ULK4: variants seen among roughly 807,000 people sequenced by gnomAD.
ULK4 encodes the protein unc-51 like kinase 4.
A neutral mutation model predicts 160.6 loss-of-function variants in ULK4; 133 were observed. The ratio of observed to expected loss-of-function variants is 0.83; its 90% CI spans 0.72 to 0.96. ULK4 has a LOEUF of 0.96. Ranked by LOEUF, ULK4 falls within the 40% of genes least tolerant of loss-of-function variation. The pLI, the probability that ULK4 is intolerant of heterozygous loss-of-function variation, is 0.00. For missense variants in ULK4, 1,580 were observed against 1,499.5 expected (o/e 1.05, Z -0.89); for synonymous variants, 534 against 539.8 (o/e 0.99, Z 0.15).
At chr3:41,431,167 G>GT (rs1435364963) in intron 34 of ULK4, among the ~76,000 whole-genome samples, 1 of 152,056 alleles carries the variant, frequency 6.6e-6, no homozygotes, top group East Asian at 1.9e-4. Context: ...GGCCAACATG[G>GT]TGAAACTTCG....
chr3:41,705,212 G>C, intron 26 of ULK4, 42 bp downstream of exon 26: 1 of 1,610,986 alleles, frequency 6.2e-7, no homozygotes, highest in East Asian at 2.2e-5. Flanking sequence ...TAATATCAAA[G>C]TACCTCAAAC....
chr3:41,549,836 C>T (rs780993186), intron 32 of ULK4, among the ~76,000 whole-genome samples: 1 of 151,912 alleles, frequency 6.6e-6, no homozygotes, highest in Non-Finnish European at 1.5e-5. Context: ...GACCATCAGG[C>T]TAACTGGATC....
chr3:41,326,246 T>C (rs1348148125), intron 35 of ULK4, among the ~76,000 whole-genome samples: 4 of 152,082 alleles, frequency 2.6e-5, no homozygotes, highest in Admixed American at 6.6e-5. Flanking sequence ...CATAAATCAA[T>C]ACAGACAACT....
intron 34 of ULK4, among the ~76,000 whole-genome samples, chr3:41,423,404 C>A (rs1475046413): frequency 1.3e-5 from 2 of 152,246 alleles, no homozygotes; most frequent in East Asian, 3.9e-4. Flanking sequence ...TAATAACCCT[C>A]ATTTAGTGGT....
chr3:41,889,801 C>A (rs1000643141), intron 16 of ULK4, among the ~76,000 whole-genome samples: 1 of 152,144 alleles, frequency 6.6e-6, no homozygotes, highest in Non-Finnish European at 1.5e-5. Flanking sequence ...TCACACAAAA[C>A]CTTGTAGACA....
intron 5 of ULK4, among the ~76,000 whole-genome samples, chr3:41,921,524 A>T (rs1699182436): frequency 6.6e-6 from 1 of 152,160 alleles, no homozygotes; most frequent in African/African-American, 2.4e-5. Context: ...CTGAGGCAGG[A>T]GAATGGCATG....
At chr3:41,453,905 T>C (rs376182206) in intron 34 of ULK4, among the ~76,000 whole-genome samples, 1 of 151,310 alleles carries the variant, frequency 6.6e-6, no homozygotes, top group African/African-American at 2.4e-5. Context: ...GAAACCATCA[T>C]TCTCAGCAAA....
chr3:41,642,589 T>C (rs149916953), intron 30 of ULK4, among the ~76,000 whole-genome samples: 2 of 152,190 alleles, frequency 1.3e-5, no homozygotes, highest in Non-Finnish European at 2.9e-5. Context: ...CACTCTACCA[T>C]TGTTGGACAT....
rs79726062 is a variant in ULK4 at position 41,678,149 on chromosome 3, C to T, written c.2978+3359G>A. On this transcript the variant is annotated intron_variant, in intron 29 of 36. Transcript: ENST00000301831. The stretch of plus-strand genomic sequence containing the variant: ...TCTCAACCTCTGTAATCACGCGAGC[C>T]GGTTTCTTAAAATAAATCTTTATTT... Among the ~76,000 whole-genome samples, 820 of 149,008 alleles carry T rather than the reference C, an allele frequency of 5.5e-3. 25 individuals carry two copies. The East Asian group carries it at 0.09, about 16-fold the overall frequency.
At chr3:41,865,133 G>A (rs1289679003) in intron 17 of ULK4, among the ~76,000 whole-genome samples, 1 of 151,878 alleles carries the variant, frequency 6.6e-6, no homozygotes, top group Non-Finnish European at 1.5e-5. Context: ...TTAGCCAGAT[G>A]TGGTGGCACA....
At chr3:41,876,761 G>A (rs1697318256) in intron 17 of ULK4, among the ~76,000 whole-genome samples, 1 of 152,112 alleles carries the variant, frequency 6.6e-6, no homozygotes, top group Non-Finnish European at 1.5e-5. Flanking sequence ...AGATACCAAA[G>A]TATACATATC....
chr3:41,706,386 T>TATAATATATAAA (rs2036884929), intron 25 of ULK4, among the ~76,000 whole-genome samples: 1 of 145,610 alleles, frequency 6.9e-6, no homozygotes, highest in African/African-American at 2.5e-5. Context: ...ATATATATAT[T>TATAATATATAAA]TATATATATT....
At chr3:41,484,850 G>A (rs1192024950) in intron 32 of ULK4, among the ~76,000 whole-genome samples, 1 of 152,114 alleles carries the variant, frequency 6.6e-6, no homozygotes, top group East Asian at 1.9e-4. Flanking sequence ...TACTTTATGA[G>A]TCAGATTGTG....
intron 7 of ULK4, among the ~76,000 whole-genome samples, chr3:41,918,186 A>C (rs1699039234): frequency 6.6e-6 from 1 of 152,210 alleles, no homozygotes; most frequent in South Asian, 2.1e-4. Context: ...TAAGGGTTTA[A>C]GTTTTTTAAG....
Position 41,332,538 on chromosome 3 carries a change from T to G in ULK4, c.3678+65541A>C, listed in dbSNP as rs534056443. On this transcript the variant is annotated intron_variant, in intron 35 of 36. Transcript: ENST00000301831. Reference sequence around the variant, plus strand: ...GCTTTGCTTGGATGAGCAGATGGCGTGGCAGGCAATATAAAAGTCACTTAA... The same window carrying G: ...GCTTTGCTTGGATGAGCAGATGGCGGGGCAGGCAATATAAAAGTCACTTAA... Among the ~76,000 whole-genome samples, 285 of 152,352 alleles carry G rather than the reference T, an allele frequency of 1.9e-3. 1 individual carries two copies. The highest frequency in any genetic ancestry group is 6.7e-3 in the African/African-American group (277 of 41,580).
chr3:41,300,837 T>TATATATATATATATATA (rs1553640531), intron 35 of ULK4, among the ~76,000 whole-genome samples: 3 of 57,868 alleles, frequency 5.2e-5, no homozygotes, highest in Non-Finnish European at 8.1e-5. Context: ...ATTTTACAGA[T>TATATATATATATATATA]TATATATATA....
intron 31 of ULK4, among the ~76,000 whole-genome samples, chr3:41,570,545 A>T (rs950111698): frequency 1.3e-5 from 2 of 152,226 alleles, no homozygotes; most frequent in Non-Finnish European, 2.9e-5. Context: ...AAAATGACAC[A>T]TACTGCTCCT....
chr3:41,255,374 T>C (rs375200954), intron 35 of ULK4, among the ~76,000 whole-genome samples: 1 of 152,060 alleles, frequency 6.6e-6, no homozygotes, highest in African/African-American at 2.4e-5. Context: ...TCCCAGCTAC[T>C]TGGGAGGCCG....
chr3:41,309,445 C>T (rs2080008285), intron 35 of ULK4, among the ~76,000 whole-genome samples: 1 of 152,140 alleles, frequency 6.6e-6, no homozygotes, highest in African/African-American at 2.4e-5. Context: ...TCAAGCAATC[C>T]TCCTGCCTCA....
Sources: gnomAD v4.1 joint callset for allele counts (sites outside exome capture counted in the v4.1 genomes callset) on GRCh38, gnomAD v4.1.1 for gene constraint, MANE v1.5 for transcripts, NCBI Gene and HGNC (gene_info 2026-07-23, HGNC 2026-07-21) for gene names.